ZNF784: variants seen among roughly 807,000 people sequenced by gnomAD.
The protein encoded by ZNF784 is zinc finger protein 784.
ZNF784 carries 5 observed loss-of-function variants against 3.3 expected under a neutral mutation model. The observed-to-expected ratio is 1.53, with a 90% confidence interval of 0.80 to 3.22. The LOEUF (loss-of-function observed/expected upper bound fraction) is 3.22, where lower values mean the gene tolerates loss of function less well. ZNF784 is among the 30% of genes most tolerant of loss of function. The pLI is 0.00. For missense variants in ZNF784, 501 were observed against 480.7 expected (o/e 1.04, Z -0.39); for synonymous variants, 231 against 219.6 (o/e 1.05, Z -0.46).
rs1429812631 is a variant in ZNF784, at chr19:55,621,008, G to C, written c.*743C>G. 2.0e-5 allele frequency: 3 copies of C among 152,522 alleles called. No homozygotes were observed. The highest frequency in any genetic ancestry group is 3.2e-3 in the Middle Eastern group (1 of 316). The allele number at this position is 152,522 out of a possible 1,614,324, so 9.4% of individuals were successfully genotyped here. Reference sequence around the variant, plus strand: ...GGGCTCTGAGTCTAAAGCTTTAGGAGGGGGATGCTAGGTAGCTGCTTGCTT... The same window carrying C: ...GGGCTCTGAGTCTAAAGCTTTAGGACGGGGATGCTAGGTAGCTGCTTGCTT... On this transcript the variant is annotated 3_prime_UTR_variant, in exon 2 of 2. Coordinates refer to ENST00000325351, the MANE Select transcript of ZNF784 (RefSeq NM_203374.2). The surrounding 1 kb of genome is among the most constrained non-coding windows in gnomAD (Gnocchi z 4.1).
intron 1 of ZNF784, among the ~76,000 whole-genome samples, chr19:55,624,064 C>T (rs1981657416): frequency 1.3e-5 from 2 of 152,130 alleles, no homozygotes; most frequent in South Asian, 4.2e-4. Flanking sequence ...GACATAGGTG[C>T]TCCAATCATA....
rs761184779 is a variant in ZNF784, at chr19:55,621,864, C to G, written c.859G>C (p.Gly287Arg). The change falls in exon 2 of 2, where the codon GGC becomes CGC. Residue 287 changes from glycine (G) to arginine (R), a missense_variant. Gly to Arg is a moderately radical substitution (Grantham distance 125). Coordinates refer to ENST00000325351, the MANE Select transcript of ZNF784 (RefSeq NM_203374.2). The surrounding 1 kb of genome is among the most constrained non-coding windows in gnomAD (Gnocchi z 4.1). ...TCAGCCGCCGACGAGCCCAGCTGGC[C>G]TCCAGAGTCTCCCAGCCCCGGCCCC... ...GPGPGLGDSG[G>R]QLGSSAAEGS... 6.3e-7 allele frequency: 1 copy of G among 1,585,708 alleles called. No individual in the cohort carries two copies. The highest frequency in any genetic ancestry group is 1.3e-5 in the African/African-American group (1 of 74,760).
chr19:55,622,721 T>C lies in ZNF784; in HGVS notation c.79-77A>G, dbSNP rs1047583163. 15 of 1,309,990 alleles carry C rather than the reference T, an allele frequency of 1.1e-5. No homozygotes were observed. Among genetic ancestry groups the C allele is most frequent in the African/African-American group, 3.0e-5 (2 of 66,140 alleles). The allele number at this position is 1,309,990 out of a possible 1,614,324, so 81.1% of individuals were successfully genotyped here. Reference sequence around the variant, plus strand: ...CCCAGCACGCCCCAATTATTAAAGCTTGGGCTCCTCTGTTATTTTCAGACA... The same window carrying C: ...CCCAGCACGCCCCAATTATTAAAGCCTGGGCTCCTCTGTTATTTTCAGACA... On this transcript the variant is annotated intron_variant, in intron 1 of 1. Transcript: ENST00000325351. This position sits in a 1 kb window ranked among gnomAD's most constrained non-coding sequence, Gnocchi z 5.9.
chr19:55,621,611 G>T lies in ZNF784; in HGVS notation c.*140C>A. On this transcript the variant is annotated 3_prime_UTR_variant, in exon 2 of 2. Transcript: ENST00000325351. The surrounding 1 kb of genome is among the most constrained non-coding windows in gnomAD (Gnocchi z 4.1). ...CTCCCTCTGCTCTCCATCACTAGCG[G>T]CTCACAACCATCCCTGCAGCTGTCA... The T allele has an allele frequency of 8.6e-7, 1 of 1,162,056 alleles. No homozygotes were observed. The highest frequency in any genetic ancestry group is 1.2e-6 in the Non-Finnish European group (1 of 831,188). The allele number at this position is 1,162,056 out of a possible 1,614,324, so 72.0% of individuals were successfully genotyped here. A position where few individuals can be genotyped will look rare whatever the true frequency, so the allele number is the denominator to read the frequency against.
In ZNF784 at chr19:55,622,233, T is replaced by A; in HGVS notation, c.490A>T (p.Thr164Ser). 1 of 1,535,430 alleles carries A rather than the reference T, an allele frequency of 6.5e-7. No individual in the cohort carries two copies. The highest frequency in any genetic ancestry group is 2.4e-5 in the East Asian group (1 of 40,888). Residue 164 changes from threonine (T) to serine (S), a missense_variant, in exon 2 of 2, where the codon ACA (threonine) becomes TCA (serine). Coordinates refer to ENST00000325351, the MANE Select transcript of ZNF784 (RefSeq NM_203374.2). The surrounding 1 kb of genome is among the most constrained non-coding windows in gnomAD (Gnocchi z 5.9). ...EPGTSRRPPD[T>S]AAVAEQRPGV... ...GGCCTCTGTTCTGCAACGGCCGCTG[T>A]GTCCGGAGGCCTCCGAGAGGTGCCC...
At position 55,622,242 on chromosome 19, in the gene ZNF784, G is replaced by T; in HGVS notation, c.481C>A (p.Pro161Thr). Residue 161 changes from proline to threonine, a missense_variant, in exon 2 of 2, where the codon CCT (proline) becomes ACT (threonine). Coordinates refer to ENST00000325351, the MANE Select transcript of ZNF784 (RefSeq NM_203374.2). The surrounding 1 kb of genome is among the most constrained non-coding windows in gnomAD (Gnocchi z 5.9). ...TCTGCAACGGCCGCTGTGTCCGGAG[G>T]CCTCCGAGAGGTGCCCGGCTCCACC... ...HGVEPGTSRRPPDTAAVAEQR... is the reference protein window; with the variant it reads ...HGVEPGTSRRTPDTAAVAEQR... 1 of 1,535,832 alleles carries T rather than the reference G, an allele frequency of 6.5e-7. No individual in the cohort carries two copies. Among genetic ancestry groups the T allele is most frequent in the South Asian group, 1.2e-5 (1 of 83,866 alleles).
At chr19:55,624,333 T>A in intron 1 of ZNF784, 151 bp downstream of exon 1, 2 of 48,140 alleles carry the variant, frequency 4.2e-5, no homozygotes, top group Non-Finnish European at 7.3e-5. Flanking sequence ...GCCCCGCCCC[T>A]CGCGAAACCA....
At chr19:55,623,195 A>T (rs1568529753) in intron 1 of ZNF784, among the ~76,000 whole-genome samples, 2 of 152,006 alleles carry the variant, frequency 1.3e-5, no homozygotes. Flanking sequence ...AACAAACAAA[A>T]ATTATTATTA....
In ZNF784 at chr19:55,622,285, C is replaced by CCGGA. The variant is rs1432675243; in HGVS notation, c.434_437dup (p.His147ProfsTer95). The CCGGA allele has an allele frequency of 6.5e-7, 1 of 1,527,552 alleles. No homozygotes were observed. Among genetic ancestry groups the CCGGA allele is most frequent in the African/African-American group, 1.4e-5 (1 of 72,352 alleles). The allele number at this position is 1,527,552 out of a possible 1,614,324, so 94.6% of individuals were successfully genotyped here. A position where few individuals can be genotyped will look rare whatever the true frequency, so the allele number is the denominator to read the frequency against. On this transcript the variant is annotated frameshift_variant, in exon 2 of 2. Transcript: ENST00000325351. LOFTEE classifies it low-confidence loss of function (END_TRUNC). This position sits in a 1 kb window ranked among gnomAD's most constrained non-coding sequence, Gnocchi z 5.9. ...GCTCCACCCCGTGCCGGTGCTGGTGCCGGAGCAGGGGCGCCAAGGCCTTGA... is the reference window on the plus strand; with the variant it reads ...GCTCCACCCCGTGCCGGTGCTGGTGCCGGACGGAGCAGGGGCGCCAAGGCCTTGA...
chr19:55,621,667 C>G lies in ZNF784; in HGVS notation c.*84G>C. ...CCCCCAATCTCCCCTCTTCTGTCCC[C>G]TGCCTCCGTTTCCCCACCCCGTCCC... On this transcript the variant is annotated 3_prime_UTR_variant, in exon 2 of 2. Coordinates refer to ENST00000325351, the MANE Select transcript of ZNF784 (RefSeq NM_203374.2). The surrounding 1 kb of genome is among the most constrained non-coding windows in gnomAD (Gnocchi z 4.1). The G allele has an allele frequency of 4.6e-6, 7 of 1,512,516 alleles. No individual in the cohort carries two copies. Among genetic ancestry groups the G allele is most frequent in the Non-Finnish European group, 6.2e-6 (7 of 1,122,964 alleles). The allele number at this position is 1,512,516 out of a possible 1,614,324, so 93.7% of individuals were successfully genotyped here.
chr19:55,622,612 T>A lies in ZNF784; in HGVS notation c.111A>T (p.Thr37=). 1 of 1,576,382 alleles carries A rather than the reference T, an allele frequency of 6.3e-7. No homozygotes were observed. The highest frequency in any genetic ancestry group is 1.4e-5 in the African/African-American group (1 of 73,674). ...VLVPDDCRPG[T]PPSDLIEIQV... is the part of the protein sequence containing the mutation. Reference sequence around the variant, plus strand: ...GGATCTCGATGAGGTCACTCGGGGGTGTGCCAGGCCGGCAGTCATCAGGCA... The same window carrying A: ...GGATCTCGATGAGGTCACTCGGGGGAGTGCCAGGCCGGCAGTCATCAGGCA... The change falls in exon 2 of 2, where the codon ACA becomes ACT. Residue 37 remains threonine, a synonymous_variant. Coordinates refer to ENST00000325351, the MANE Select transcript of ZNF784 (RefSeq NM_203374.2). This position sits in a 1 kb window ranked among gnomAD's most constrained non-coding sequence, Gnocchi z 5.9.
chr19:55,622,076 C>A lies in ZNF784; in HGVS notation c.647G>T (p.Arg216Leu). ...RRSSDMRDHE[R>L]VHTGERPYHC... ...GTATGGCCGCTCGCCAGTGTGCACGCGCTCGTGGTCTCGCATGTCTGAGGA... is the reference window on the plus strand; with the variant it reads ...GTATGGCCGCTCGCCAGTGTGCACGAGCTCGTGGTCTCGCATGTCTGAGGA... Residue 216 changes from arginine (R) to leucine (L), a missense_variant, in exon 2 of 2, where the codon CGC becomes CTC. Arg to Leu is a moderately radical substitution (Grantham distance 102). Coordinates refer to ENST00000325351, the MANE Select transcript of ZNF784 (RefSeq NM_203374.2). This position sits in a 1 kb window ranked among gnomAD's most constrained non-coding sequence, Gnocchi z 5.9. 6.3e-7 allele frequency: 1 copy of A among 1,582,792 alleles called. No homozygotes were observed. The highest frequency in any genetic ancestry group is 8.5e-7 in the Non-Finnish European group (1 of 1,172,568).
In ZNF784 at chr19:55,622,565, G is replaced by C; in HGVS notation, c.158C>G (p.Thr53Ser). ...CTCCGGGGGCTCAGGGACCAGCGTG[G>C]TGTCCGTCACCTTCACCACCTGGAT... ...IEIQVVKVTD[T>S]TLVPEPPEPG... Residue 53 changes from threonine to serine, a missense_variant, in exon 2 of 2, where the codon ACC becomes AGC. Thr to Ser is a moderately conservative substitution (Grantham distance 58, BLOSUM62 1). Coordinates refer to ENST00000325351, the MANE Select transcript of ZNF784 (RefSeq NM_203374.2). This position sits in a 1 kb window ranked among gnomAD's most constrained non-coding sequence, Gnocchi z 5.9. The C allele has an allele frequency of 2.5e-6, 4 of 1,610,012 alleles. No homozygotes were observed. The highest frequency in any genetic ancestry group is 3.4e-6 in the Non-Finnish European group (4 of 1,178,618).
At chr19:55,623,844 C>G (rs775895642) in intron 1 of ZNF784, among the ~76,000 whole-genome samples, 10 of 152,196 alleles carry the variant, frequency 6.6e-5, no homozygotes, top group Non-Finnish European at 1.0e-4. Context: ...CAACCCTTGT[C>G]TGTCTTGGTC....
At chr19:55,624,425 CCA>C in intron 1 of ZNF784, 57 bp downstream of exon 1, 1 of 1,504,600 alleles carries the variant, frequency 6.6e-7, no homozygotes, top group South Asian at 1.2e-5. Flanking sequence ...GACCCGCCCC[CCA>C]CACTACGACC....
intron 1 of ZNF784, 104 bp downstream of exon 1, chr19:55,624,380 C>T (rs1981672922): frequency 2.3e-6 from 2 of 877,952 alleles, no homozygotes; most frequent in Non-Finnish European, 3.3e-6. Flanking sequence ...GCACTAAATA[C>T]CTCCCTCGCC....
In ZNF784 at chr19:55,621,454, C is replaced by T. The variant is rs768438165; in HGVS notation, c.*297G>A. 5.7e-6 allele frequency: 3 copies of T among 522,768 alleles called. No homozygotes were observed. The highest frequency in any genetic ancestry group is 1.0e-5 in the Non-Finnish European group (3 of 288,288). 32.4% of individuals were successfully genotyped at this position (522,768 alleles called of 1,614,324 possible). ...AAGGACAAGCCAACCAAGAGACAGT[C>T]GGGGAAGTGACATCCAGCCCGTGGG... On this transcript the variant is annotated 3_prime_UTR_variant, in exon 2 of 2. Coordinates refer to ENST00000325351, the MANE Select transcript of ZNF784 (RefSeq NM_203374.2). This position sits in a 1 kb window ranked among gnomAD's most constrained non-coding sequence, Gnocchi z 4.1.
rs1981616390 is a variant in ZNF784 at position 55,622,699 on chromosome 19, A to G, written c.79-55T>C. 1 of 1,399,000 alleles carries G rather than the reference A, an allele frequency of 7.1e-7. No individual in the cohort carries two copies. The highest frequency in any genetic ancestry group is 9.5e-7 in the Non-Finnish European group (1 of 1,057,836). The allele number at this position is 1,399,000 out of a possible 1,614,324, so 86.7% of individuals were successfully genotyped here. A position where few individuals can be genotyped will look rare whatever the true frequency, so the allele number is the denominator to read the frequency against. On this transcript the variant is annotated intron_variant, in intron 1 of 1. Coordinates refer to ENST00000325351, the MANE Select transcript of ZNF784 (RefSeq NM_203374.2). This position sits in a 1 kb window ranked among gnomAD's most constrained non-coding sequence, Gnocchi z 5.9. ...GTGGAACCTGCCTCAGGACCGCCCC[A>G]GCACGCCCCAATTATTAAAGCTTGG...
chr19:55,623,680 C>T (rs1011283018), intron 1 of ZNF784, among the ~76,000 whole-genome samples: 2 of 152,216 alleles, frequency 1.3e-5, no homozygotes, highest in Admixed American at 1.3e-4. Flanking sequence ...CGGCACCCAG[C>T]TGACTTCTCT....
Sources: gnomAD v4.1 joint callset for allele counts (sites outside exome capture counted in the v4.1 genomes callset) on GRCh38, gnomAD v4.1.1 for gene constraint, Gnocchi (gnomAD v3.1) non-coding constraint, MANE v1.5 for transcripts, NCBI Gene and HGNC (gene_info 2026-07-23, HGNC 2026-07-21) for gene names.